The following PHIP variants were observed in gnomAD, a reference collection of about 807,000 sequenced individuals.
PHIP encodes PHIP subunit of CUL4-Ring ligase complex.
PHIP carries 54 observed loss-of-function variants against 236.8 expected under a neutral mutation model. That is an observed-to-expected ratio of 0.23 (90% confidence interval 0.18 to 0.29). The LOEUF (loss-of-function observed/expected upper bound fraction) is 0.29, where lower values mean the gene tolerates loss of function less well. PHIP is among the 10% of genes least tolerant of loss of function. The pLI, the probability that PHIP is intolerant of heterozygous loss-of-function variation, is 1.00. For missense variants in PHIP, 1,370 were observed against 2,190.8 expected (o/e 0.63, Z 7.48); for synonymous variants, 756 against 718.9 (o/e 1.05, Z -0.83).
intron 6 of PHIP, among the ~76,000 whole-genome samples, chr6:79,054,125 A>G (rs1772943838): frequency 6.6e-6 from 1 of 151,900 alleles, no homozygotes; most frequent in African/African-American, 2.4e-5. Context: ...AAAAAAAAAA[A>G]AATGCTAATA....
chr6:79,063,710 C>T (rs944952582), intron 4 of PHIP, among the ~76,000 whole-genome samples: 5 of 152,160 alleles, frequency 3.3e-5, no homozygotes, highest in East Asian at 1.9e-4. Context: ...CCACAGCGTC[C>T]GGCCAATTCT....
intron 9 of PHIP, among the ~76,000 whole-genome samples, chr6:79,021,207 C>A (rs111731399): frequency 6.6e-6 from 1 of 152,154 alleles, no homozygotes; most frequent in Non-Finnish European, 1.5e-5. Flanking sequence ...AATGCAGTGA[C>A]GCTATCTCAG....
At chr6:78,943,762 G>A (rs1253462029) in intron 39 of PHIP, among the ~76,000 whole-genome samples, 1 of 152,000 alleles carries the variant, frequency 6.6e-6, no homozygotes, top group Non-Finnish European at 1.5e-5. Flanking sequence ...CGAGTGGGGT[G>A]GATCACCAGA....
chr6:78,964,395 T>G (rs1766993434), intron 29 of PHIP, among the ~76,000 whole-genome samples: 1 of 152,176 alleles, frequency 6.6e-6, no homozygotes, highest in South Asian at 2.1e-4. Context: ...ACTGAGCAAC[T>G]CAATTAATAA....
rs574885556 is a variant in PHIP, at chr6:79,040,369, CAA to C, written c.600+2472_600+2473del. On this transcript the variant is annotated intron_variant, in intron 7 of 39. Coordinates refer to ENST00000275034, the MANE Select transcript of PHIP (RefSeq NM_017934.7). The stretch of plus-strand genomic sequence containing the variant: ...CAGCTGTGCCTGTTCAGAAAGGACT[CAA>C]GAGAATCCCTTGGAAAAAGCTTTCA... 2.7e-4 allele frequency among the ~76,000 whole-genome samples: 41 copies of C among 152,194 alleles called. No individual in the cohort carries two copies. In the East Asian group the frequency reaches 7.2e-3, roughly 27 times the overall value.
intron 20 of PHIP, among the ~76,000 whole-genome samples, chr6:78,990,442 A>G (rs1415863): frequency 0.93 from 140,876 of 152,178 alleles, 65,305 homozygotes; most frequent in East Asian, 1. Context: ...TCTCTTAATG[A>G]AGAAAATGAG....
At chr6:79,004,047 A>C (rs1250985621) in intron 15 of PHIP, among the ~76,000 whole-genome samples, 189 bp from the exon 16 acceptor site, 1 of 152,110 alleles carries the variant, frequency 6.6e-6, no homozygotes, top group Non-Finnish European at 1.5e-5. Context: ...CTTGAAAAAT[A>C]AAGTATTCTA....
intron 7 of PHIP, among the ~76,000 whole-genome samples, chr6:79,041,061 C>A (rs1298982153): frequency 6.6e-6 from 1 of 152,068 alleles, no homozygotes; most frequent in African/African-American, 2.4e-5. Flanking sequence ...AAAAGGATAG[C>A]AATTTTTTTC....
At chr6:78,946,609 T>C in intron 37 of PHIP, 102 bp downstream of exon 37, 3 of 1,438,340 alleles carry the variant, frequency 2.1e-6, no homozygotes, top group Non-Finnish European at 2.7e-6. Flanking sequence ...ATTATCATTC[T>C]GCAATATAGG....
At chr6:78,982,766 T>C in intron 23 of PHIP, 120 bp downstream of exon 23, 1 of 628,040 alleles carries the variant, frequency 1.6e-6, no homozygotes, top group East Asian at 2.7e-5. Context: ...TATTTCTGAG[T>C]TTTTTCTATT....
chr6:79,030,456 G>C (rs1055588608), intron 7 of PHIP, among the ~76,000 whole-genome samples: 7 of 152,166 alleles, frequency 4.6e-5, no homozygotes, highest in African/African-American at 1.4e-4. Flanking sequence ...AAGAAAACTT[G>C]AAAGTACAAA....
Position 79,007,000 on chromosome 6 carries a change from G to A in PHIP, c.1525-3142C>T, listed in dbSNP as rs75943267. Among the ~76,000 whole-genome samples the A allele has an allele frequency of 8.5e-3, 1,295 of 152,066 alleles. 21 individuals carry two copies. The highest frequency in any genetic ancestry group is 0.029 in the African/African-American group (1,205 of 41,522). On this transcript the variant is annotated intron_variant, in intron 15 of 39. Coordinates refer to ENST00000275034, the MANE Select transcript of PHIP (RefSeq NM_017934.7). ...TTTTGTTTTATTTTTAAAAGGAGGAGATGGGAGGATCAGATGTGTTAAAAT... is the reference window on the plus strand; with the variant it reads ...TTTTGTTTTATTTTTAAAAGGAGGAAATGGGAGGATCAGATGTGTTAAAAT...
chr6:79,018,876 AAC>A (rs758224582), intron 10 of PHIP, among the ~76,000 whole-genome samples: 2 of 152,008 alleles, frequency 1.3e-5, no homozygotes, highest in African/African-American at 4.8e-5. Context: ...CTTAAAGAAA[AAC>A]AGTCATGTGA....
chr6:78,941,080 A>G lies in PHIP; in HGVS notation c.5079T>C (p.Asn1693=), dbSNP rs551541016. The G allele has an allele frequency of 6.2e-7, 1 of 1,614,090 alleles. No individual in the cohort carries two copies. The highest frequency in any genetic ancestry group is 1.3e-5 in the African/African-American group (1 of 75,038). The change falls in exon 40 of 40, where the codon AAT becomes AAC. Residue 1693 remains asparagine (N), a synonymous_variant. Coordinates refer to ENST00000275034, the MANE Select transcript of PHIP (RefSeq NM_017934.7). ...RDEVLPSSTC[N]FLSETNNVKE... is the part of the protein sequence containing the mutation. ...TTACATTATTAGTTTCAGAAAGAAAATTGCATGTTGAAGAAGGAAGTACTT... is the reference window on the plus strand; with the variant it reads ...TTACATTATTAGTTTCAGAAAGAAAGTTGCATGTTGAAGAAGGAAGTACTT...
intron 4 of PHIP, among the ~76,000 whole-genome samples, chr6:79,076,511 A>C (rs1375742887): frequency 6.6e-6 from 1 of 152,228 alleles, no homozygotes; most frequent in African/African-American, 2.4e-5. Flanking sequence ...AGTAACTTCC[A>C]ATCACAATAC....
At chr6:79,003,915 C>A in intron 15 of PHIP, 57 bp from the exon 16 acceptor site, 2 of 1,168,692 alleles carry the variant, frequency 1.7e-6, no homozygotes, top group South Asian at 1.5e-5. Flanking sequence ...AAGAATTGGT[C>A]ACTATTATTA....
intron 23 of PHIP, among the ~76,000 whole-genome samples, chr6:78,979,843 G>C (rs1304453109): frequency 6.6e-6 from 1 of 151,944 alleles, no homozygotes; most frequent in East Asian, 1.9e-4. Context: ...ACTAAAAGAA[G>C]CAATGCCATA....
intron 27 of PHIP, among the ~76,000 whole-genome samples, chr6:78,966,774 G>C (rs925169070): frequency 3.3e-5 from 5 of 152,158 alleles, no homozygotes; most frequent in Admixed American, 1.3e-4. Flanking sequence ...TAAGAAAACT[G>C]TAAGTCACTT....
intron 1 of PHIP, 52 bp downstream of exon 1, chr6:79,077,970 GCGGGGGA>G: frequency 6.3e-7 from 1 of 1,591,774 alleles, no homozygotes; most frequent in South Asian, 1.1e-5. Context: ...GCGGCGGGGG[GCGGGGGA>G]CCGCGGGCGG....
Sources: allele counts gnomAD v4.1 joint callset (sites outside exome capture counted in the v4.1 genomes callset), GRCh38; gene constraint gnomAD v4.1.1; transcripts MANE v1.5; gene names NCBI Gene and HGNC (gene_info 2026-07-23, HGNC 2026-07-21).